SPTAN1: variants seen among roughly 807,000 people sequenced by gnomAD.
SPTAN1 encodes spectrin alpha, non-erythrocytic 1.
SPTAN1 carries 61 observed loss-of-function variants against 331.3 expected under a neutral mutation model. The observed-to-expected ratio is 0.18, with a 90% CI of 0.15 to 0.23. The LOEUF (loss-of-function observed/expected upper bound fraction) is 0.23. Ranked by LOEUF, SPTAN1 falls within the 10% of genes least tolerant of loss-of-function variation. The pLI is 1.00. For missense variants in SPTAN1, 2,043 were observed against 3,147.9 expected, an observed-to-expected ratio of 0.65 and a Z score of 8.40; for synonymous variants, 1,153 against 1,173.9, an observed-to-expected ratio of 0.98 and a Z score of 0.36.
At chr9:128,565,101 G>A (rs1849861897) in intron 1 of SPTAN1, among the ~76,000 whole-genome samples, 1 of 152,082 alleles carries the variant, frequency 6.6e-6, no homozygotes, top group East Asian at 1.9e-4. Flanking sequence ...TCAAGAGATC[G>A]AGACCATCCT....
Position 128,621,270 on chromosome 9 carries a change from A to C in SPTAN1, c.5832+14A>C. The C allele has an allele frequency of 1.2e-6, 2 of 1,609,842 alleles. No homozygotes were observed. Among genetic ancestry groups the C allele is most frequent in the Non-Finnish European group, 1.7e-6 (2 of 1,177,776 alleles). On this transcript the variant is annotated intron_variant, in intron 45 of 56. Transcript: ENST00000372739. ...CTCATTAAGAAGGTGAGTCCAGCCC[A>C]TTGGTAAGACCTCCATCGCCCACTG...
At chr9:128,592,102 T>A (rs1436442413) in intron 22 of SPTAN1, among the ~76,000 whole-genome samples, 1 of 152,160 alleles carries the variant, frequency 6.6e-6, no homozygotes, top group African/African-American at 2.4e-5. Context: ...ACTCCACTAG[T>A]GGAATCAGCA....
intron 3 of SPTAN1, among the ~76,000 whole-genome samples, chr9:128,573,785 G>A (rs935870067): frequency 4.7e-5 from 7 of 150,218 alleles, no homozygotes; most frequent in Middle Eastern, 7.3e-3. Flanking sequence ...ACGGAGTCTC[G>A]CTCTGTCGCC....
intron 24 of SPTAN1, among the ~76,000 whole-genome samples, chr9:128,597,140 A>G (rs1471274951): frequency 1.3e-5 from 2 of 152,146 alleles, no homozygotes; most frequent in Non-Finnish European, 2.9e-5. Context: ...AGTCTGGGCA[A>G]TAGAGTGAGA....
intron 39 of SPTAN1, among the ~76,000 whole-genome samples, chr9:128,613,095 T>G (rs1033761333): frequency 4.6e-5 from 7 of 152,216 alleles, no homozygotes; most frequent in African/African-American, 1.4e-4. Flanking sequence ...CTGCTGATTC[T>G]TTCCTAGGGG....
intron 22 of SPTAN1, 48 bp downstream of exon 22, chr9:128,591,673 A>G: frequency 1.9e-6 from 3 of 1,610,282 alleles, no homozygotes; most frequent in Non-Finnish European, 2.5e-6. Flanking sequence ...CCATAGGCAT[A>G]CTCTGTTCCA....
chr9:128,601,643 A>G (rs1279388965), intron 27 of SPTAN1, among the ~76,000 whole-genome samples: 1 of 152,232 alleles, frequency 6.6e-6, no homozygotes, highest in Non-Finnish European at 1.5e-5. Context: ...TGACAAGCAA[A>G]TAAAAAACAA....
At chr9:128,626,129 C>G (rs1858695717) in intron 48 of SPTAN1, 151 bp downstream of exon 48, 1 of 1,067,896 alleles carries the variant, frequency 9.4e-7, no homozygotes, top group Admixed American at 2.4e-5. Context: ...TCAATTAAAA[C>G]CAGGGCAAAT....
At chr9:128,591,046 G>T (rs1241705144) in intron 21 of SPTAN1, among the ~76,000 whole-genome samples, 3 of 123,092 alleles carry the variant, frequency 2.4e-5, no homozygotes, top group Non-Finnish European at 5.1e-5. Context: ...TATAGAAAGT[G>T]ATTTTAATAT....
At position 128,583,227 on chromosome 9, in the gene SPTAN1, A is replaced by G. The variant is rs191761343; in HGVS notation, c.1957A>G (p.Met653Val). The G allele has an allele frequency of 2.5e-6, 4 of 1,614,088 alleles. No homozygotes were observed. Among genetic ancestry groups the G allele is most frequent in the South Asian group, 1.1e-5 (1 of 91,084 alleles). Reference protein sequence around the residue: ...HYAKDEVAARMNEVISLWKKL... With the variant: ...HYAKDEVAARVNEVISLWKKL... ...TGCCAAGGATGAAGTGGCAGCTCGTATGAATGAGGTGATCAGTTTGTGGAA... is the reference window on the plus strand; with the variant it reads ...TGCCAAGGATGAAGTGGCAGCTCGTGTGAATGAGGTGATCAGTTTGTGGAA... The change falls in exon 15 of 57, where the codon ATG becomes GTG. Residue 653 changes from methionine to valine, a missense_variant. Met to Val is a conservative substitution (Grantham distance 21). Transcript: ENST00000372739.
chr9:128,570,163 G>A (rs1850482186), intron 3 of SPTAN1, among the ~76,000 whole-genome samples: 1 of 151,776 alleles, frequency 6.6e-6, no homozygotes, highest in South Asian at 2.1e-4. Flanking sequence ...CACCTCTGTA[G>A]TAGAATATGT....
chr9:128,631,939 TCC>T (rs1859816425), intron 52 of SPTAN1, 186 bp from the exon 53 acceptor site: 2 of 628,930 alleles, frequency 3.2e-6, no homozygotes, highest in African/African-American at 3.7e-5. Flanking sequence ...TGAAAGTCTC[TCC>T]CTCTATTGAG....
intron 1 of SPTAN1, among the ~76,000 whole-genome samples, chr9:128,561,095 C>T (rs1372162504): frequency 6.9e-6 from 1 of 145,392 alleles, no homozygotes; most frequent in Non-Finnish European, 1.5e-5. Context: ...GTCGGCCAGG[C>T]ACGGTGGTTC....
At chr9:128,582,196 G>C (rs1852027687) in intron 12 of SPTAN1, among the ~76,000 whole-genome samples, 1 of 152,188 alleles carries the variant, frequency 6.6e-6, no homozygotes, top group African/African-American at 2.4e-5. Flanking sequence ...ATAAGAATTT[G>C]GAAAGCTGTT....
At chr9:128,575,770 C>A (rs1851232487) in intron 5 of SPTAN1, among the ~76,000 whole-genome samples, 1 of 152,110 alleles carries the variant, frequency 6.6e-6, no homozygotes, top group African/African-American at 2.4e-5. Flanking sequence ...CTGGGAGAAC[C>A]TTGTCGTGAA....
At chr9:128,621,706 C>G (rs899833577) in intron 45 of SPTAN1, 1 of 260,544 alleles carries the variant, frequency 3.8e-6, no homozygotes. Context: ...CGCAGACTCC[C>G]GTTTAATAGG....
rs1589387194 is a variant in SPTAN1 at position 128,626,056 on chromosome 9, C to T, written c.6279+78C>T. On this transcript the variant is annotated intron_variant, in intron 48 of 56. Coordinates refer to ENST00000372739, the MANE Select transcript of SPTAN1 (RefSeq NM_001130438.3). ...CCCACCTTCTGTCTGCCCAGCTCTG[C>T]CACTCCCCCTTGAGGAAGCTGTGAG... is the stretch of plus-strand genomic sequence containing the variant. The T allele has an allele frequency of 2.6e-6, 4 of 1,543,460 alleles. No homozygotes were observed. The South Asian group carries it at 3.4e-5, about 13-fold the overall frequency.
At chr9:128,611,020 A>G (rs1856500030) in intron 37 of SPTAN1, among the ~76,000 whole-genome samples, 1 of 152,250 alleles carries the variant, frequency 6.6e-6, no homozygotes, top group African/African-American at 2.4e-5. Context: ...TATCTCATTC[A>G]TTACAGCCTG....
rs572195712 is a variant in SPTAN1 at position 128,594,826 on chromosome 9, AT to A, written c.3414+466del. The stretch of plus-strand genomic sequence containing the variant: ...TAGCTTTTTTTTTTTTTTTTTTTCA[AT>A]TTTTTTTTTTTTCCTTTTGAGACAG... On this transcript the variant is annotated intron_variant, in intron 24 of 56. Coordinates refer to ENST00000372739, the MANE Select transcript of SPTAN1 (RefSeq NM_001130438.3). Among the ~76,000 whole-genome samples the A allele has an allele frequency of 3.7e-3, 284 of 76,814 alleles. 1 individual carries two copies. The East Asian group carries it at 0.04, about 11-fold the overall frequency. The allele number at this position is 76,814 out of a possible 152,430, so 50.4% of individuals were successfully genotyped here. A position where few individuals can be genotyped will look rare whatever the true frequency, so the allele number is the denominator to read the frequency against.
Sources: allele counts gnomAD v4.1 joint callset (sites outside exome capture counted in the v4.1 genomes callset), GRCh38; gene constraint gnomAD v4.1.1; transcripts MANE v1.5; gene names NCBI Gene and HGNC (gene_info 2026-07-23, HGNC 2026-07-21).